Variants in LTBP2 observed in about 807,000 individuals in gnomAD.
LTBP2 encodes latent-transforming growth factor beta-binding protein 2.
A neutral mutation model predicts 210.6 loss-of-function variants in LTBP2; 103 were observed. The ratio of observed to expected loss-of-function variants is 0.49; its 90% CI spans 0.42 to 0.58. LTBP2 has a LOEUF of 0.58. Among genes scored for constraint, LTBP2 ranks in the 20% least tolerant of loss-of-function variants. The probability of loss-of-function intolerance (pLI) is 0.00; values close to 1 mark genes in which losing one functional copy is unlikely to be tolerated. For missense variants in LTBP2, 2,313 were observed against 2,494.5 expected, an observed-to-expected ratio of 0.93 and a Z score of 1.55; for synonymous variants, 1,007 against 1,015.0, an observed-to-expected ratio of 0.99 and a Z score of 0.15.
chr14:74,531,946 A>G (rs1346210340), intron 10 of LTBP2, among the ~76,000 whole-genome samples: 2 of 152,204 alleles, frequency 1.3e-5, no homozygotes, highest in Non-Finnish European at 2.9e-5. Flanking sequence ...GATAAGGAGA[A>G]ACTTCAGAAC....
rs186051218 is a variant in LTBP2 at position 74,551,023 on chromosome 14, C to T, written c.1686+41G>A. On this transcript the variant is annotated intron_variant, in intron 7 of 35. Transcript: ENST00000261978. ...AGGGCAGACTGGGGACAACTGCCATCCTGGAAGCATCCAGGGCTGAGGCCA... is the reference window on the plus strand; with the variant it reads ...AGGGCAGACTGGGGACAACTGCCATTCTGGAAGCATCCAGGGCTGAGGCCA... 326 of 1,612,604 alleles carry T rather than the reference C, an allele frequency of 2.0e-4. No individual in the cohort carries two copies. The African/African-American group carries it at 4.1e-3, about 20-fold the overall frequency.
intron 21 of LTBP2, 135 bp from the exon 22 acceptor site, chr14:74,509,498 C>T: frequency 7.6e-7 from 1 of 1,321,036 alleles, no homozygotes; most frequent in East Asian, 2.4e-5. Context: ...GCTCCCAGGA[C>T]AGCCCTGCCC....
At chr14:74,599,292 C>CTGCCCCCT (rs934289135) in intron 2 of LTBP2, among the ~76,000 whole-genome samples, 4 of 152,230 alleles carry the variant, frequency 2.6e-5, no homozygotes, top group African/African-American at 9.6e-5. Flanking sequence ...AGTAACTTGC[C>CTGCCCCCT]TGCCCCCTCC....
At chr14:74,540,848 T>TTATA (rs373657989) in intron 8 of LTBP2, among the ~76,000 whole-genome samples, 2 of 68,870 alleles carry the variant, frequency 2.9e-5, no homozygotes, top group African/African-American at 5.2e-5. Flanking sequence ...TTTATATATA[T>TTATA]TATATATATT....
chr14:74,585,944 C>G lies in LTBP2; in HGVS notation c.740G>C (p.Arg247Pro), dbSNP rs770132775. 2 of 1,613,848 alleles carry G rather than the reference C, an allele frequency of 1.2e-6. No homozygotes were observed. The highest frequency in any genetic ancestry group is 2.2e-5 in the South Asian group (2 of 91,048). ...RRWAERSPNL[R>P]RSSAAGEGTL... ...GCCCTCTCCAGCCGCACTGCTCCTG[C>G]GCAGGTTGGGTGAACGCTCGGCCCA... The change falls in exon 3 of 36, where the codon CGC becomes CCC. Residue 247 changes from arginine to proline, a missense_variant. Arg to Pro is a moderately radical substitution (Grantham distance 103). This residue lies in a region of LTBP2 where 1,867 missense variants were observed against 1,976.9 expected (regional missense o/e 0.94). Coordinates refer to ENST00000261978, the MANE Select transcript of LTBP2 (RefSeq NM_000428.3).
At chr14:74,546,773 G>A (rs1460236418) in intron 8 of LTBP2, among the ~76,000 whole-genome samples, 1 of 152,244 alleles carries the variant, frequency 6.6e-6, no homozygotes, top group African/African-American at 2.4e-5. Flanking sequence ...GAGCTCACCA[G>A]CTGTATTTGG....
intron 28 of LTBP2, 95 bp downstream of exon 28, chr14:74,505,953 C>A (rs2086977555): frequency 6.5e-7 from 1 of 1,527,900 alleles, no homozygotes; most frequent in Non-Finnish European, 9.0e-7. Context: ...GCCCAGTGTC[C>A]CCCTCAGCGG....
chr14:74,596,254 T>TAAAC (rs1289850982), intron 2 of LTBP2, among the ~76,000 whole-genome samples: 4 of 149,692 alleles, frequency 2.7e-5, no homozygotes, highest in Non-Finnish European at 4.4e-5. Context: ...AATAAATAAA[T>TAAAC]AAATAAATAA....
At chr14:74,557,578 C>T (rs543211628) in intron 3 of LTBP2, among the ~76,000 whole-genome samples, 70 of 152,244 alleles carry the variant, frequency 4.6e-4, no homozygotes, top group African/African-American at 1.5e-3. Context: ...GAAAATCCTC[C>T]GCTCATGTCC....
intron 25 of LTBP2, 97 bp from the exon 26 acceptor site, chr14:74,507,407 C>A: frequency 1.9e-6 from 3 of 1,547,192 alleles, no homozygotes; most frequent in Non-Finnish European, 1.8e-6. Flanking sequence ...GGTTCTTGAT[C>A]TATTCCAAAT....
rs2088203627 is a variant in LTBP2, at chr14:74,586,171, C to T, written c.566-53G>A. The T allele has an allele frequency of 1.3e-6, 2 of 1,543,812 alleles. No homozygotes were observed. The highest frequency in any genetic ancestry group is 2.7e-5 in the African/African-American group (2 of 73,356). Reference sequence around the variant, plus strand: ...CAGTGGCCATAGGGCACTGAGACCACAGCTGCCCACACCTTCCTGTCAGAA... The same window carrying T: ...CAGTGGCCATAGGGCACTGAGACCATAGCTGCCCACACCTTCCTGTCAGAA... On this transcript the variant is annotated intron_variant, in intron 2 of 35. Transcript: ENST00000261978. The surrounding 1 kb of genome is among the most constrained non-coding windows in gnomAD (Gnocchi z 4.6).
chr14:74,569,870 A>G (rs2087952464), intron 3 of LTBP2, among the ~76,000 whole-genome samples: 1 of 152,156 alleles, frequency 6.6e-6, no homozygotes, highest in Non-Finnish European at 1.5e-5. Context: ...CACGTATCTC[A>G]TGAACGGCAA....
At chr14:74,584,364 G>A (rs1268409808) in intron 3 of LTBP2, among the ~76,000 whole-genome samples, 1 of 152,148 alleles carries the variant, frequency 6.6e-6, no homozygotes, top group Non-Finnish European at 1.5e-5. Flanking sequence ...CATGGGATCA[G>A]TGCATCATAA....
In LTBP2 at chr14:74,506,201, G is replaced by A. The variant is rs1422905661; in HGVS notation, c.4034-10C>T. ...TCACACTCGTTCACATCTGCCAGGT[G>A]TGAGAACAGGCTCGTGGGCAGAAAA... On this transcript the variant is annotated splice_polypyrimidine_tract_variant and intron_variant, in intron 27 of 35. Transcript: ENST00000261978. 1.2e-6 allele frequency: 2 copies of A among 1,614,112 alleles called. No individual in the cohort carries two copies. The highest frequency in any genetic ancestry group is 1.7e-6 in the Non-Finnish European group (2 of 1,180,018).
rs140818407 is a variant in LTBP2 at position 74,528,667 on chromosome 14, G to A, written c.2184C>T (p.His728=). Residue 728 remains histidine, a synonymous_variant, in exon 12 of 36, where the codon CAC becomes CAT. Transcript: ENST00000261978. ...EAFREICPAG[H]GYTYASSDIR... is the part of the protein sequence containing the mutation. ...TGTCGGAGCTCGCGTAGGTGTAGCC[G>A]TGGCCGGCAGGGCAGATCTCTCTGA... The A allele has an allele frequency of 1.9e-4, 300 of 1,612,936 alleles. No individual in the cohort carries two copies. In the Middle Eastern group the frequency reaches 2.1e-3, roughly 12 times the overall value.
rs1413478472 is a variant in LTBP2, at chr14:74,569,387, G to T, written c.831-13694C>A. On this transcript the variant is annotated intron_variant, in intron 3 of 35. Transcript: ENST00000261978. ...GCTTACCACTTGGAATGTGTTATGG[G>T]GTCTAATTGCAGGAGACCCCCTCTT... Among the ~76,000 whole-genome samples, 2 of 152,142 alleles carry T rather than the reference G, an allele frequency of 1.3e-5. 1 individual carries two copies. Among genetic ancestry groups the T allele is most frequent in the Non-Finnish European group, 2.9e-5 (2 of 68,022 alleles).
Position 74,611,753 on chromosome 14 carries a change from A to T in LTBP2, c.192T>A (p.Ala64=). 6.2e-7 allele frequency: 1 copy of T among 1,607,034 alleles called. No individual in the cohort carries two copies. Among genetic ancestry groups the T allele is most frequent in the Non-Finnish European group, 8.5e-7 (1 of 1,179,276 alleles). ...GGAACAGACTGTACACCTTGGCTGCAGCCGCTGCCGGGTAGCTGCCCCCAG... is the reference window on the plus strand; with the variant it reads ...GGAACAGACTGTACACCTTGGCTGCTGCCGCTGCCGGGTAGCTGCCCCCAG... ...RRPGGSYPAA[A]AAKVYSLFRE... Residue 64 remains alanine, a synonymous_variant, in exon 1 of 36, where the codon GCT becomes GCA. Coordinates refer to ENST00000261978, the MANE Select transcript of LTBP2 (RefSeq NM_000428.3).
intron 9 of LTBP2, among the ~76,000 whole-genome samples, chr14:74,535,382 C>T (rs1032910335): frequency 2.0e-5 from 3 of 152,202 alleles, no homozygotes; most frequent in African/African-American, 7.2e-5. Context: ...CCACCTTGTT[C>T]CCCACTGGCC....
chr14:74,558,198 G>A (rs1310093407), intron 3 of LTBP2, among the ~76,000 whole-genome samples: 2 of 152,158 alleles, frequency 1.3e-5, no homozygotes, highest in Non-Finnish European at 2.9e-5. Context: ...TCAGGAGTTC[G>A]AGACCAGCCT....
Sources: gnomAD v4.1 joint callset for allele counts (sites outside exome capture counted in the v4.1 genomes callset) on GRCh38, gnomAD v4.1.1 for gene constraint, gnomAD v4.1.1 regional missense constraint, Gnocchi (gnomAD v3.1) non-coding constraint, MANE v1.5 for transcripts, NCBI Gene and HGNC (gene_info 2026-07-23, HGNC 2026-07-21) for gene names.